Variants in POU2F2 observed in about 807,000 individuals in gnomAD.
POU2F2 encodes the protein POU domain, class 2, transcription factor 2.
POU2F2 carries 14 observed loss-of-function variants against 63.5 expected under a neutral mutation model. That is an observed-to-expected ratio of 0.22 (90% CI 0.15 to 0.34). The LOEUF (loss-of-function observed/expected upper bound fraction) is 0.34. POU2F2 is among the 10% of genes least tolerant of loss of function. The pLI is 1.00. For missense variants in POU2F2, 607 were observed against 815.2 expected (o/e 0.74, Z 3.11); for synonymous variants, 306 against 348.6 (o/e 0.88, Z 1.36).
chr19:42,185,807 C>T (rs2035006282), intron 1 of POU2F2, among the ~76,000 whole-genome samples: 1 of 152,198 alleles, frequency 6.6e-6, no homozygotes, highest in African/African-American at 2.4e-5. Context: ...ATCAAGAAAG[C>T]TCACGGTCCA....
Position 42,096,348 on chromosome 19 carries a change from C to T in POU2F2, c.568-105G>A, listed in dbSNP as rs2146330069. The T allele has an allele frequency of 1.6e-6, 2 of 1,221,370 alleles. No individual in the cohort carries two copies. Among genetic ancestry groups the T allele is most frequent in the Non-Finnish European group, 2.2e-6 (2 of 902,058 alleles). The allele number at this position is 1,221,370 out of a possible 1,614,324, so 75.7% of individuals were successfully genotyped here. A position where few individuals can be genotyped will look rare whatever the true frequency, so the allele number is the denominator to read the frequency against. ...CGCCCTCTTCGCCCCTGCGTTCCAT[C>T]CGCCGCCTGCAGACTCCCCCCGCCT... On this transcript the variant is annotated intron_variant, in intron 7 of 14. Coordinates refer to ENST00000692977, the MANE Select transcript of POU2F2 (RefSeq NM_001394376.1). This position sits in a 1 kb window ranked among gnomAD's most constrained non-coding sequence, Gnocchi z 4.1.
upstream of POU2F2, among the ~76,000 whole-genome samples, chr19:42,177,501 CCACAGAGACA>C (rs910307097): frequency 4.0e-5 from 6 of 150,068 alleles, no homozygotes; most frequent in African/African-American, 1.2e-4. Flanking sequence ...GGCCCGAGAC[CCACAGAGACA>C]CAGAGAGACA....
intron 5 of POU2F2, among the ~76,000 whole-genome samples, chr19:42,112,633 G>A (rs1248194512): frequency 6.6e-6 from 1 of 152,114 alleles, no homozygotes; most frequent in Non-Finnish European, 1.5e-5. Context: ...GCCTCCCAGA[G>A]TGCTGGAATT....
rs1412170249 is a variant in POU2F2 at position 42,155,149 on chromosome 19, G to C, written c.-9+5183C>G. On this transcript the variant is annotated intron_variant, in intron 2 of 6. Transcript: ENST00000524801. The surrounding 1 kb of genome is among the most constrained non-coding windows in gnomAD (Gnocchi z 4.2). Reference sequence around the variant, plus strand: ...GCCTCAGCTGCAGCTGCCCCGCACTGTTTTTTCTTTCTCATTGTCCCCTGC... The same window carrying C: ...GCCTCAGCTGCAGCTGCCCCGCACTCTTTTTTCTTTCTCATTGTCCCCTGC... 6.6e-6 allele frequency among the ~76,000 whole-genome samples: 1 copy of C among 152,210 alleles called. No individual in the cohort carries two copies. The highest frequency in any genetic ancestry group is 1.5e-5 in the Non-Finnish European group (1 of 68,030).
chr19:42,118,942 A>G (rs189214113), intron 4 of POU2F2, among the ~76,000 whole-genome samples: 1 of 152,324 alleles, frequency 6.6e-6, no homozygotes, highest in Non-Finnish European at 1.5e-5. Flanking sequence ...AGGCCAAATA[A>G]TAGACAGTGA....
upstream of POU2F2, chr19:42,132,771 C>G (rs1311327211): frequency 1.0e-5 from 3 of 286,702 alleles, no homozygotes; most frequent in Non-Finnish European, 1.9e-5. Context: ...GGTGGGTCCA[C>G]AGCAGTAACA....
intron 1 of POU2F2, among the ~76,000 whole-genome samples, chr19:42,182,480 T>G (rs2034973337): frequency 6.6e-6 from 1 of 150,868 alleles, no homozygotes; most frequent in Non-Finnish European, 1.5e-5. Context: ...TGAAGGGGAC[T>G]GGGGAGAGGA....
rs146825127 is a variant in POU2F2, at chr19:42,106,342, C to A, written c.370-6521G>T. Among the ~76,000 whole-genome samples, 802 of 152,222 alleles carry A rather than the reference C, an allele frequency of 5.3e-3. 10 individuals are homozygous for A. Among genetic ancestry groups the A allele is most frequent in the African/African-American group, 0.019 (772 of 41,524 alleles). On this transcript the variant is annotated intron_variant, in intron 5 of 14. Transcript: ENST00000692977. ...GCTAGGCTGGTCTCAAACTCCCGAC[C>A]TCAGATGATCCACCCACCTCGTCCT... is the stretch of plus-strand genomic sequence containing the variant.
In POU2F2 at chr19:42,127,349, C is replaced by A. The variant is rs532353476; in HGVS notation, c.29-4773G>T. ...ATCTGTCCACCTGGCGACCCCCGGA[C>A]TCATCCTTCAGAACCCAGCATAAGC... is the stretch of plus-strand genomic sequence containing the variant. On this transcript the variant is annotated intron_variant, in intron 1 of 14. Coordinates refer to ENST00000692977, the MANE Select transcript of POU2F2 (RefSeq NM_001394376.1). 9.9e-5 allele frequency among the ~76,000 whole-genome samples: 15 copies of A among 152,030 alleles called. No homozygotes were observed. The South Asian group carries it at 2.9e-3, about 30-fold the overall frequency.
chr19:42,097,193 T>G (rs1034407986), intron 7 of POU2F2, among the ~76,000 whole-genome samples: 3 of 97,324 alleles, frequency 3.1e-5, no homozygotes, highest in East Asian at 6.4e-4. Context: ...AATTTTTCAG[T>G]TTTTTTTTTT....
chr19:42,154,079 C>G (rs924969696), intron 2 of POU2F2, among the ~76,000 whole-genome samples: 3 of 151,604 alleles, frequency 2.0e-5, no homozygotes, highest in African/African-American at 7.3e-5. Context: ...CCCTCCCAAC[C>G]CCCCCAGCGC....
intron 4 of POU2F2, among the ~76,000 whole-genome samples, chr19:42,119,679 G>A (rs765001871): frequency 1.3e-5 from 2 of 151,916 alleles, no homozygotes; most frequent in Non-Finnish European, 2.9e-5. Context: ...CTCAAAAATC[G>A]CTTGAACCCA....
chr19:42,151,081 C>T (rs987534677), intron 2 of POU2F2, among the ~76,000 whole-genome samples: 3 of 152,372 alleles, frequency 2.0e-5, no homozygotes, highest in East Asian at 1.9e-4. Flanking sequence ...TGCTCACTCC[C>T]GGAGCCATTT....
intron 5 of POU2F2, among the ~76,000 whole-genome samples, chr19:42,106,015 CTT>C (rs1324413721): frequency 7.1e-6 from 1 of 141,094 alleles, no homozygotes; most frequent in African/African-American, 2.7e-5. Flanking sequence ...TTCTTTCTTT[CTT>C]TCTTTCTTTC....
intron 1 of POU2F2, among the ~76,000 whole-genome samples, chr19:42,125,943 C>T (rs1320536835): frequency 1.3e-5 from 2 of 152,220 alleles, no homozygotes; most frequent in Non-Finnish European, 2.9e-5. Context: ...AACAGGGCAG[C>T]CTCGGACCCC....
At chr19:42,181,459 T>C (rs2034959325) in intron 1 of POU2F2, among the ~76,000 whole-genome samples, 1 of 152,258 alleles carries the variant, frequency 6.6e-6, no homozygotes, top group South Asian at 2.1e-4. Context: ...CTCCTCATTC[T>C]GCCTGTTCAT....
chr19:42,181,560 G>A (rs539946239), intron 1 of POU2F2, among the ~76,000 whole-genome samples: 38 of 144,156 alleles, frequency 2.6e-4, no homozygotes, highest in Non-Finnish European at 4.0e-4. Flanking sequence ...GAGTGTGTGC[G>A]TCTGAACATA....
intron 5 of POU2F2, among the ~76,000 whole-genome samples, chr19:42,100,590 A>G (rs1341957197): frequency 6.6e-6 from 1 of 151,766 alleles, no homozygotes; most frequent in Non-Finnish European, 1.5e-5. Context: ...CGTCTCTACT[A>G]AAAATACAAA....
intron 1 of POU2F2, among the ~76,000 whole-genome samples, chr19:42,167,444 ACT>A (rs1052446802): frequency 8.7e-5 from 13 of 149,958 alleles, no homozygotes; most frequent in African/African-American, 3.2e-4. Flanking sequence ...ACAGAGCAAC[ACT>A]CTGTCCCCCC....
Sources: allele counts gnomAD v4.1 joint callset (sites outside exome capture counted in the v4.1 genomes callset), GRCh38; gene constraint gnomAD v4.1.1; non-coding constraint Gnocchi (gnomAD v3.1); transcripts MANE v1.5; gene names NCBI Gene and HGNC (gene_info 2026-07-23, HGNC 2026-07-21).